Variants in NDST4 observed in about 807,000 individuals in gnomAD.
NDST4 encodes N-heparan sulfate sulfotransferase 4.
NDST4 carries 63 observed loss-of-function variants against 100.8 expected under a neutral mutation model. The ratio of observed to expected loss-of-function variants is 0.62; its 90% CI spans 0.51 to 0.77. NDST4 has a LOEUF of 0.77. NDST4 is among the 30% of genes least tolerant of loss of function. NDST4 has a pLI of 0.00. For synonymous variants in NDST4, 377 were observed against 361.8 expected (o/e 1.04, Z -0.48); for missense variants, 943 against 1,018.4 (o/e 0.93, Z 1.01).
In NDST4 at chr4:115,086,517, C is replaced by T. The variant is rs1729412549; in HGVS notation, c.-246-9235G>A. Among the ~76,000 whole-genome samples, 3 of 151,972 alleles carry T rather than the reference C, an allele frequency of 2.0e-5. No homozygotes were observed. In the South Asian group the frequency reaches 6.2e-4, roughly 32 times the overall value. ...CCCAAAGTGTGCATTTTTACCAGTA[C>T]AAACTCCTAAAAGTGTCATTTCAAA... On this transcript the variant is annotated intron_variant, in intron 1 of 13. Coordinates refer to ENST00000264363, the MANE Select transcript of NDST4 (RefSeq NM_022569.3).
chr4:114,886,341 C>T (rs1404432743), intron 6 of NDST4, among the ~76,000 whole-genome samples: 1 of 152,066 alleles, frequency 6.6e-6, no homozygotes, highest in Non-Finnish European at 1.5e-5. Context: ...TTCTTGGAAT[C>T]TAATGGAACT....
At chr4:115,055,510 T>A (rs1396511243) in intron 2 of NDST4, among the ~76,000 whole-genome samples, 6 of 152,096 alleles carry the variant, frequency 3.9e-5, no homozygotes, top group Non-Finnish European at 7.4e-5. Context: ...CTGATATGTA[T>A]AAATCATTTT....
At chr4:114,889,378 AG>A (rs1311144333) in intron 6 of NDST4, among the ~76,000 whole-genome samples, 1 of 152,214 alleles carries the variant, frequency 6.6e-6, no homozygotes, top group Admixed American at 6.6e-5. Context: ...AATATTAAAG[AG>A]ATGTCAAACG....
At chr4:115,069,792 A>C (rs1212268352) in intron 2 of NDST4, among the ~76,000 whole-genome samples, 1 of 152,200 alleles carries the variant, frequency 6.6e-6, no homozygotes, top group Non-Finnish European at 1.5e-5. Context: ...CTGTGGCAAG[A>C]GAATTGCTTG....
intron 2 of NDST4, among the ~76,000 whole-genome samples, chr4:115,066,970 G>T (rs138037296): frequency 6.4e-4 from 98 of 152,292 alleles, no homozygotes; most frequent in African/African-American, 2.2e-3. Context: ...AGCCACTGCT[G>T]TCTATGCCAT....
chr4:115,035,004 C>T (rs774528383), intron 2 of NDST4, among the ~76,000 whole-genome samples: 4 of 152,074 alleles, frequency 2.6e-5, no homozygotes, highest in African/African-American at 4.8e-5. Context: ...TCTTCTCCCC[C>T]AATCAATAAA....
At chr4:115,110,190 T>C (rs1729916550) in intron 1 of NDST4, among the ~76,000 whole-genome samples, 1 of 151,984 alleles carries the variant, frequency 6.6e-6, no homozygotes, top group African/African-American at 2.4e-5. Flanking sequence ...TGTATATATG[T>C]GTACACATTC....
chr4:114,924,606 A>C (rs1248431979), intron 6 of NDST4, among the ~76,000 whole-genome samples: 1 of 152,126 alleles, frequency 6.6e-6, no homozygotes, highest in Non-Finnish European at 1.5e-5. Flanking sequence ...TAATTGCTTC[A>C]AAGTCCCTGT....
intron 9 of NDST4, among the ~76,000 whole-genome samples, chr4:114,847,751 T>C (rs182797698): frequency 7.3e-4 from 111 of 152,338 alleles, no homozygotes; most frequent in Non-Finnish European, 1.4e-3. Flanking sequence ...TGTCCTGTTA[T>C]TATTTGCATG....
chr4:114,936,279 A>G (rs1725627047), intron 5 of NDST4, among the ~76,000 whole-genome samples: 2 of 152,194 alleles, frequency 1.3e-5, no homozygotes, highest in African/African-American at 4.8e-5. Flanking sequence ...TATTTGCATT[A>G]TCAATAGCTT....
intron 1 of NDST4, among the ~76,000 whole-genome samples, chr4:115,112,560 T>C (rs915770697): frequency 6.6e-6 from 1 of 151,894 alleles, no homozygotes; most frequent in Non-Finnish European, 1.5e-5. Flanking sequence ...GTATAACTTA[T>C]CATAATAAAC....
chr4:114,892,903 C>G (rs1357883330), intron 6 of NDST4, among the ~76,000 whole-genome samples: 1 of 152,110 alleles, frequency 6.6e-6, no homozygotes, highest in South Asian at 2.1e-4. Context: ...CTTCCCTTCA[C>G]CCCTCAACAG....
intron 11 of NDST4, among the ~76,000 whole-genome samples, chr4:114,837,222 T>G (rs752699792): frequency 6.6e-6 from 1 of 152,146 alleles, no homozygotes; most frequent in Non-Finnish European, 1.5e-5. Flanking sequence ...TTTTCATCAT[T>G]TTTGCACTGG....
At chr4:114,900,849 T>G (rs1724821480) in intron 6 of NDST4, among the ~76,000 whole-genome samples, 1 of 152,182 alleles carries the variant, frequency 6.6e-6, no homozygotes, top group African/African-American at 2.4e-5. Context: ...TGTTCTCATT[T>G]TCTTTTACTT....
intron 4 of NDST4, among the ~76,000 whole-genome samples, chr4:114,957,832 T>C (rs1726172493): frequency 6.6e-6 from 1 of 152,120 alleles, no homozygotes; most frequent in Non-Finnish European, 1.5e-5. Context: ...GCAATCAAAT[T>C]TTAGCTCCAA....
chr4:114,850,910 G>T (rs922261941), intron 8 of NDST4, among the ~76,000 whole-genome samples: 2 of 152,156 alleles, frequency 1.3e-5, no homozygotes, highest in Admixed American at 6.5e-5. Flanking sequence ...AGTCCCTTAA[G>T]TCTAAGGTCT....
intron 4 of NDST4, among the ~76,000 whole-genome samples, chr4:114,949,694 C>T (rs1725947034): frequency 6.6e-6 from 1 of 152,028 alleles, no homozygotes; most frequent in African/African-American, 2.4e-5. Context: ...TTCCTGGAAG[C>T]CCCATACTAT....
rs114429139 is a variant in NDST4 at position 115,085,925 on chromosome 4, A to G, written c.-246-8643T>C. ...TACTTCATGTACAGCAGAGGTAAGTAGTGCTTTATGAAACTTTATGTTATG... is the reference window on the plus strand; with the variant it reads ...TACTTCATGTACAGCAGAGGTAAGTGGTGCTTTATGAAACTTTATGTTATG... On this transcript the variant is annotated intron_variant, in intron 1 of 13. Coordinates refer to ENST00000264363, the MANE Select transcript of NDST4 (RefSeq NM_022569.3). Among the ~76,000 whole-genome samples the G allele has an allele frequency of 7.2e-3, 1,101 of 152,306 alleles. 8 individuals carry two copies. The highest frequency in any genetic ancestry group is 0.012 in the Non-Finnish European group (831 of 68,018).
At chr4:115,004,371 A>T (rs956154245) in intron 2 of NDST4, among the ~76,000 whole-genome samples, 9 of 152,240 alleles carry the variant, frequency 5.9e-5, no homozygotes, top group African/African-American at 1.9e-4. Flanking sequence ...GGAAAGGTAC[A>T]GGCTTGCAAA....
Sources: gnomAD v4.1 joint callset for allele counts (sites outside exome capture counted in the v4.1 genomes callset) on GRCh38, gnomAD v4.1.1 for gene constraint, MANE v1.5 for transcripts, NCBI Gene and HGNC (gene_info 2026-07-23, HGNC 2026-07-21) for gene names.